The following KMT2D variants were observed in gnomAD, a reference collection of about 807,000 sequenced individuals.
The protein encoded by KMT2D is histone-lysine N-methyltransferase 2D.
A neutral mutation model predicts 512.7 loss-of-function variants in KMT2D; 55 were observed. That is an observed-to-expected ratio of 0.11 (90% CI 0.09 to 0.13). The LOEUF (loss-of-function observed/expected upper bound fraction) is 0.13, where lower values mean the gene tolerates loss of function less well. Among genes scored for constraint, KMT2D ranks in the 10% least tolerant of loss-of-function variants. The pLI is 1.00. For synonymous variants in KMT2D, 2,995 were observed against 2,904.0 expected, an observed-to-expected ratio of 1.03 and a Z score of -1.01; for missense variants, 6,061 against 7,127.9, an observed-to-expected ratio of 0.85 and a Z score of 5.39.
rs373085015 is a variant in KMT2D, at chr12:49,038,758, C to T, written c.8598G>A (p.Glu2866=). ...GISTRLPGPG[E]PVPGPAGPAQ... is the part of the protein sequence containing the mutation. ...CAGGACCAGCTGGACCAGGCACTGG[C>T]TCACCAGGGCCTGGCAGACGGGTGG... Residue 2866 remains glutamate, a synonymous_variant, in exon 35 of 55, where the codon GAG becomes GAA. Transcript: ENST00000301067. This position sits in a 1 kb window ranked among gnomAD's most constrained non-coding sequence, Gnocchi z 5.7. 6 of 1,604,374 alleles carry T rather than the reference C, an allele frequency of 3.7e-6. No individual in the cohort carries two copies. Among genetic ancestry groups the T allele is most frequent in the Admixed American group, 1.7e-5 (1 of 58,294 alleles).
In KMT2D at chr12:49,031,624, C is replaced by T. The variant is rs201938646; in HGVS notation, c.13081G>A (p.Ala4361Thr). The T allele has an allele frequency of 6.2e-7, 1 of 1,601,542 alleles. No homozygotes were observed. Among genetic ancestry groups the T allele is most frequent in the Middle Eastern group, 1.7e-4 (1 of 6,024 alleles). Reference sequence around the variant, plus strand: ...AAGGTATCTGCAAGCTGGGCAGCAGCAGGTGAGACCCTCCCAGGAGGCGGC... The same window carrying T: ...AAGGTATCTGCAAGCTGGGCAGCAGTAGGTGAGACCCTCCCAGGAGGCGGC... ...LEPPPGRVSP[A>T]AAQLADTLFS... Residue 4361 changes from alanine (A) to threonine (T), a missense_variant, in exon 40 of 55, where the codon GCT becomes ACT. Ala to Thr is a moderately conservative substitution (Grantham distance 58). Transcript: ENST00000301067.
At chr12:49,030,209 G>C in intron 43 of KMT2D, 71 bp downstream of exon 43, 1 of 1,363,450 alleles carries the variant, frequency 7.3e-7, no homozygotes, top group Non-Finnish European at 1.0e-6. Flanking sequence ...TTTCTAAACT[G>C]TACAGCATAC....
intron 46 of KMT2D, among the ~76,000 whole-genome samples, chr12:49,028,452 A>T (rs1942721440): frequency 1.3e-5 from 2 of 152,244 alleles, no homozygotes; most frequent in Admixed American, 1.3e-4. Context: ...CTTGTAGTAA[A>T]GAAACCCATA....
At chr12:49,053,394 A>G (rs1047443135) in intron 7 of KMT2D, 73 bp from the exon 8 acceptor site, 17 of 1,606,206 alleles carry the variant, frequency 1.1e-5, no homozygotes, top group Non-Finnish European at 1.4e-5. Flanking sequence ...TTTTCATGTT[A>G]ACAGGCCTTC....
chr12:49,034,967 A>T (rs757529358), intron 35 of KMT2D, 32 bp from the exon 36 acceptor site: 1 of 1,612,434 alleles, frequency 6.2e-7, no homozygotes, highest in East Asian at 2.2e-5. Flanking sequence ...GAGCTGGGCT[A>T]TGGGGCCAAT....
rs587783712 is a variant in KMT2D, at chr12:49,050,035, G to T, written c.3553C>A (p.Gln1185Lys). The change falls in exon 12 of 55, where the codon CAG (glutamine) becomes AAG (lysine). Residue 1185 changes from glutamine (Q) to lysine (K), a missense_variant. By Grantham distance (53) the Gln-to-Lys change is moderately conservative. This residue lies in a region of KMT2D where 447 missense variants were observed against 500.1 expected (regional missense o/e 0.89). Coordinates refer to ENST00000301067, the MANE Select transcript of KMT2D (RefSeq NM_003482.4). Reference protein sequence around the residue: ...TAGQGSPCEEQEEPRAPVAPT... With the variant: ...TAGQGSPCEEKEEPRAPVAPT... ...GCCACCGGTGCACGTGGCTCTTCCT[G>T]TTCTTCACATGGTGAGCCCTGCCCT... 6.2e-7 allele frequency: 1 copy of T among 1,613,924 alleles called. No individual in the cohort carries two copies. Among genetic ancestry groups the T allele is most frequent in the Non-Finnish European group, 8.5e-7 (1 of 1,179,896 alleles).
Position 49,030,895 on chromosome 12 carries a change from G to T in KMT2D, c.13669C>A (p.Gln4557Lys), listed in dbSNP as rs1473530054. 2.5e-6 allele frequency: 4 copies of T among 1,613,650 alleles called. No homozygotes were observed. In the South Asian group the frequency reaches 3.3e-5, roughly 13 times the overall value. The change falls in exon 41 of 55, where the codon CAG (glutamine) becomes AAG (lysine). Residue 4557 changes from glutamine to lysine, a missense_variant and splice_region_variant. Physicochemically the swap from Gln to Lys is moderately conservative, Grantham distance 53. Coordinates refer to ENST00000301067, the MANE Select transcript of KMT2D (RefSeq NM_003482.4). ...GGGACTGTCTCCTGGGGGGTCACCT[G>T]TTTCAGCTGTTTCAGCAAGGCCTCG... Reference protein sequence around the residue: ...ASEALLKQLKQELSLLPLTEP... With the variant: ...ASEALLKQLKKELSLLPLTEP...
intron 35 of KMT2D, among the ~76,000 whole-genome samples, chr12:49,036,478 ATTTTTTT>A (rs34412400): frequency 9.5e-5 from 7 of 73,448 alleles, no homozygotes; most frequent in East Asian, 4.1e-4. Flanking sequence ...CACCCAGCTA[ATTTTTTT>A]TTTTTTTTTT....
At position 49,034,446 on chromosome 12, in the gene KMT2D, G is replaced by A. The variant is rs902898516; in HGVS notation, c.10471C>T (p.Arg3491Cys). ...ERSAGDPSQPRPNPPTFAQGV... is the reference protein window; with the variant it reads ...ERSAGDPSQPCPNPPTFAQGV... The stretch of plus-strand genomic sequence containing the variant: ...TGAGCAAAAGTGGGCGGGTTGGGAC[G>A]AGGCTGGGAGGGATCACCAGCACTC... The change falls in exon 38 of 55, where the codon CGT becomes TGT. Residue 3491 changes from arginine to cysteine, a missense_variant. By Grantham distance (180) the Arg-to-Cys change is radical. Transcript: ENST00000301067. 8 of 1,613,644 alleles carry A rather than the reference G, an allele frequency of 5.0e-6. No individual in the cohort carries two copies. Among genetic ancestry groups the A allele is most frequent in the Admixed American group, 1.7e-5 (1 of 59,968 alleles).
chr12:49,052,166 G>C lies in KMT2D; in HGVS notation c.1517C>G (p.Pro506Arg), dbSNP rs367925817. The C allele has an allele frequency of 1.5e-5, 24 of 1,613,496 alleles. No individual in the cohort carries two copies. Among genetic ancestry groups the C allele is most frequent in the African/African-American group, 9.4e-5 (7 of 74,788 alleles). The change falls in exon 11 of 55, where the codon CCA becomes CGA. Residue 506 changes from proline to arginine, a missense_variant. By Grantham distance (103) the Pro-to-Arg change is moderately radical. Coordinates refer to ENST00000301067, the MANE Select transcript of KMT2D (RefSeq NM_003482.4). ...TGGAGAAAAAGGTGATGATTCAGGT[G>C]GGGGAGACAGAGGAGACTCCTCAGG... is the stretch of plus-strand genomic sequence containing the variant. ...PPPEESPLSPPPESSPFSPLE... is the reference protein window; with the variant it reads ...PPPEESPLSPRPESSPFSPLE...
chr12:49,059,230 G>A (rs1938592049), intron 1 of KMT2D, among the ~76,000 whole-genome samples: 1 of 151,670 alleles, frequency 6.6e-6, no homozygotes, highest in African/African-American at 2.4e-5. Context: ...ACCATCCCAA[G>A]TTGCTCTGTC....
rs923229026 is a variant in KMT2D, at chr12:49,042,469, T to A, written c.5867+92A>T. On this transcript the variant is annotated intron_variant, in intron 28 of 54. Transcript: ENST00000301067. The surrounding 1 kb of genome is among the most constrained non-coding windows in gnomAD (Gnocchi z 4.4). ...AGGGAATGGGGAGGAGCAGGGGAAG[T>A]GCTGCAGGAGTCCGAGGGAGGCAAA... The A allele has an allele frequency of 4.6e-6, 7 of 1,528,092 alleles. No individual in the cohort carries two copies. Among genetic ancestry groups the A allele is most frequent in the Admixed American group, 3.9e-5 (2 of 51,468 alleles). The allele number at this position is 1,528,092 out of a possible 1,614,324, so 94.7% of individuals were successfully genotyped here.
Position 49,022,192 on chromosome 12 carries a change from T to G in KMT2D, c.16413-41A>C. ...GAGTCAGGGATGTCAGGCAACTAAC[T>G]TGGGACAATTTTGATTCCTTGTTCG... On this transcript the variant is annotated intron_variant, in intron 53 of 54. Coordinates refer to ENST00000301067, the MANE Select transcript of KMT2D (RefSeq NM_003482.4). The surrounding 1 kb of genome is among the most constrained non-coding windows in gnomAD (Gnocchi z 8.6). The G allele has an allele frequency of 6.2e-7, 1 of 1,605,342 alleles. No homozygotes were observed. The highest frequency in any genetic ancestry group is 1.1e-5 in the South Asian group (1 of 90,908).
In KMT2D at chr12:49,041,609, G is replaced by A. The variant is rs2120549476; in HGVS notation, c.6234+46C>T. 1 of 1,613,062 alleles carries A rather than the reference G, an allele frequency of 6.2e-7. No homozygotes were observed. Among genetic ancestry groups the A allele is most frequent in the East Asian group, 2.2e-5 (1 of 44,870 alleles). On this transcript the variant is annotated intron_variant, in intron 31 of 54. Coordinates refer to ENST00000301067, the MANE Select transcript of KMT2D (RefSeq NM_003482.4). This position sits in a 1 kb window ranked among gnomAD's most constrained non-coding sequence, Gnocchi z 5.4. ...CCCATGGCCCTCCACCCTCAAGAGA[G>A]GCCACCCACTAGAGGACTGCTACAC...
Position 49,052,650 on chromosome 12 carries a change from G to A in KMT2D, c.1172C>T (p.Ala391Val), listed in dbSNP as rs1251241574. Residue 391 changes from alanine (A) to valine (V), a missense_variant, in exon 10 of 55, where the codon GCA (alanine) becomes GTA (valine). Coordinates refer to ENST00000301067, the MANE Select transcript of KMT2D (RefSeq NM_003482.4). ...PTDEPDALYV[A>V]CQGQPKGGHV... ...CCCACCCTTTGGCTGCCCTTGGCAT[G>A]CAACGTACAGAGCATCGGGCTCGTC... 1 of 1,613,572 alleles carries A rather than the reference G, an allele frequency of 6.2e-7. No individual in the cohort carries two copies. The highest frequency in any genetic ancestry group is 1.3e-5 in the African/African-American group (1 of 74,888).
At chr12:49,025,516 A>G (rs1029260107) in intron 49 of KMT2D, among the ~76,000 whole-genome samples, 1 of 152,234 alleles carries the variant, frequency 6.6e-6, no homozygotes, top group Non-Finnish European at 1.5e-5. Flanking sequence ...CTAGGTGTGT[A>G]GTATGCTATG....
rs1445253361 is a variant in KMT2D, at chr12:49,032,842, G to A, written c.11863C>T (p.Leu3955=). ...QQQLQQQQQQ[L]QQQQQQQQQQ... ...TGTTGTTGTTGCTGTTGCTGTTGTA[G>A]CTGCTGTTGCTGCTGTTGAAGCTGT... The change falls in exon 40 of 55, where the codon CTA becomes TTA. Residue 3955 remains leucine, a synonymous_variant. Transcript: ENST00000301067. 6.5e-7 allele frequency: 1 copy of A among 1,550,178 alleles called. No homozygotes were observed. Among genetic ancestry groups the A allele is most frequent in the East Asian group, 2.4e-5 (1 of 40,918 alleles).
chr12:49,047,845 G>C (rs941577376), intron 15 of KMT2D, 120 bp downstream of exon 15: 1 of 678,064 alleles, frequency 1.5e-6, no homozygotes, highest in Admixed American at 2.2e-5. Flanking sequence ...AACCACTGGT[G>C]ACTAATGAAC....
chr12:49,043,001 A>T (rs1173277618), intron 26 of KMT2D, 75 bp downstream of exon 26: 1 of 1,558,186 alleles, frequency 6.4e-7, no homozygotes, highest in African/African-American at 1.4e-5. Flanking sequence ...TACAGATCAC[A>T]GTCCCAAAGA....
Sources: allele counts gnomAD v4.1 joint callset (sites outside exome capture counted in the v4.1 genomes callset), GRCh38; gene constraint gnomAD v4.1.1; regional missense constraint gnomAD v4.1.1; non-coding constraint Gnocchi (gnomAD v3.1); transcripts MANE v1.5; gene names NCBI Gene and HGNC (gene_info 2026-07-23, HGNC 2026-07-21).